RUVBL2: variants seen among roughly 807,000 people sequenced by gnomAD.
RUVBL2 encodes RuvB like AAA ATPase 2, also known as ruvB-like 2.
In RUVBL2, 9 loss-of-function variants were observed where a neutral mutation model predicts 57.9. The observed-to-expected ratio is 0.16, with a 90% confidence interval of 0.09 to 0.27. The LOEUF (loss-of-function observed/expected upper bound fraction) is 0.27, where lower values mean the gene tolerates loss of function less well. Among genes scored for constraint, RUVBL2 ranks in the 10% least tolerant of loss-of-function variants. The pLI is 1.00. For missense variants in RUVBL2, 456 were observed against 669.6 expected, an observed-to-expected ratio of 0.68 and a Z score of 3.52; for synonymous variants, 278 against 264.6, an observed-to-expected ratio of 1.05 and a Z score of -0.49.
At chr19:49,006,946 G>C in intron 4 of RUVBL2, 72 bp from the exon 5 acceptor site, 1 of 1,578,198 alleles carries the variant, frequency 6.3e-7, no homozygotes, top group Non-Finnish European at 8.6e-7. Context: ...AGAAAAGCTA[G>C]TTTGCCACAG....
intron 12 of RUVBL2, 130 bp downstream of exon 12, chr19:49,014,733 C>T: frequency 1.5e-6 from 2 of 1,299,546 alleles, no homozygotes. Flanking sequence ...TGAGCGGGCA[C>T]CCAGACGGTG....
chr19:49,004,064 C>T (rs1163423747), intron 3 of RUVBL2: 1 of 595,848 alleles, frequency 1.7e-6, no homozygotes. Flanking sequence ...TACAGTGAGC[C>T]ATGATTGTAC....
At position 49,010,586 on chromosome 19, in the gene RUVBL2, C is replaced by G. The variant is rs1297379594; in HGVS notation, c.762C>G (p.Thr254=). Residue 254 remains threonine (T), a synonymous_variant, in exon 9 of 15, where the codon ACC becomes ACG. Transcript: ENST00000595090. The stretch of plus-strand genomic sequence containing the variant: ...AGATCGACGTCATCAACTCTCGCAC[C>G]CAGGGCTTCCTGGCGCTCTTCTCAG... ...LHEIDVINSR[T]QGFLALFSGD... The G allele has an allele frequency of 1.9e-6, 3 of 1,613,566 alleles. No individual in the cohort carries two copies. Among genetic ancestry groups the G allele is most frequent in the South Asian group, 1.1e-5 (1 of 91,086 alleles).
At chr19:49,006,774 T>A (rs772156360) in intron 4 of RUVBL2, among the ~76,000 whole-genome samples, 2 of 152,242 alleles carry the variant, frequency 1.3e-5, no homozygotes, top group African/African-American at 2.4e-5. Context: ...TGTGGGATTC[T>A]AAGCCAGGCC....
chr19:48,995,194 G>A (rs567660508), intron 1 of RUVBL2, among the ~76,000 whole-genome samples: 1 of 152,012 alleles, frequency 6.6e-6, no homozygotes, highest in East Asian at 1.9e-4. Flanking sequence ...AAATGACCTT[G>A]GTTTTCATGG....
At chr19:48,995,998 A>G (rs1033642061) in intron 1 of RUVBL2, among the ~76,000 whole-genome samples, 26 of 148,124 alleles carry the variant, frequency 1.8e-4, no homozygotes, top group Middle Eastern at 3.4e-3. Flanking sequence ...AAAAAAAAAA[A>G]AAAAGAAAAG....
At chr19:49,004,578 G>T (rs1454494439) in intron 4 of RUVBL2, among the ~76,000 whole-genome samples, 160 bp downstream of exon 4, 1 of 152,132 alleles carries the variant, frequency 6.6e-6, no homozygotes, top group Non-Finnish European at 1.5e-5. Flanking sequence ...CTAGAGGTAG[G>T]CCATTTGGGG....
At chr19:49,007,398 A>G in intron 6 of RUVBL2, 30 bp downstream of exon 6, 1 of 1,601,232 alleles carries the variant, frequency 6.2e-7, no homozygotes, top group Non-Finnish European at 8.5e-7. Context: ...TACCCTGCTG[A>G]GGCCACCTCC....
chr19:49,006,966 C>T (rs201130526), intron 4 of RUVBL2, 52 bp from the exon 5 acceptor site: 15 of 1,598,016 alleles, frequency 9.4e-6, no homozygotes, highest in South Asian at 3.3e-5. Flanking sequence ...GAGCAGGTGT[C>T]GGGGACCTGG....
At position 49,010,467 on chromosome 19, in the gene RUVBL2, TCC is replaced by T; in HGVS notation, c.664-17_664-16del. On this transcript the variant is annotated intron_variant, in intron 8 of 14. Transcript: ENST00000595090. ...TTCCCTGCCCTGTCTCCGCCGTTCT[TCC>T]CCCACCCCCGCCCCATAGACCAAGT... The T allele has an allele frequency of 1.4e-6, 2 of 1,401,204 alleles. No individual in the cohort carries two copies. Among genetic ancestry groups the T allele is most frequent in the Non-Finnish European group, 9.9e-7 (1 of 1,006,936 alleles). The allele number at this position is 1,401,204 out of a possible 1,614,324, so 86.8% of individuals were successfully genotyped here. A position where few individuals can be genotyped will look rare whatever the true frequency, so the allele number is the denominator to read the frequency against.
chr19:48,998,838 G>A (rs2039118483), intron 1 of RUVBL2, among the ~76,000 whole-genome samples: 1 of 151,718 alleles, frequency 6.6e-6, no homozygotes, highest in Non-Finnish European at 1.5e-5. Context: ...GACCAGCCTG[G>A]CCAACATGGC....
At position 49,012,843 on chromosome 19, in the gene RUVBL2, C is replaced by CCACACACACACACACA. The variant is rs58302006; in HGVS notation, c.1001+1559_1001+1574dup. Among the ~76,000 whole-genome samples the CCACACACACACACACA allele has an allele frequency of 5.9e-3, 844 of 141,870 alleles. 4 individuals are homozygous for CCACACACACACACACA. The highest frequency in any genetic ancestry group is 0.013 in the African/African-American group (491 of 37,888). 93.1% of individuals were successfully genotyped at this position (141,870 alleles called of 152,430 possible). On this transcript the variant is annotated intron_variant, in intron 11 of 14. Transcript: ENST00000595090. Reference sequence around the variant, plus strand: ...TGGCACACTGCAGCCTCAGTGCCCACCACACACACACACACACACACACAC... The same window carrying CCACACACACACACACA: ...TGGCACACTGCAGCCTCAGTGCCCACCACACACACACACACACACACACACACACACACACACACAC...
intron 12 of RUVBL2, 70 bp downstream of exon 12, chr19:49,014,673 A>T: frequency 6.3e-7 from 1 of 1,576,216 alleles, no homozygotes; most frequent in Admixed American, 1.7e-5. Context: ...AAATGCTGAC[A>T]CTGAGGTCCA....
At chr19:48,998,934 A>G (rs556168438) in intron 1 of RUVBL2, among the ~76,000 whole-genome samples, 7 of 145,118 alleles carry the variant, frequency 4.8e-5, no homozygotes, top group Admixed American at 2.1e-4. Context: ...AGGCTGAGGC[A>G]GAGAATTTCT....
Position 49,015,688 on chromosome 19 carries a change from T to G in RUVBL2, c.1366+2T>G. ...ACGCCTTCCTCTTCAACGAACTCAG[T>G]AAGAATCCCCACCCCGCACCTGCAC... On this transcript the variant is annotated splice_donor_variant, in intron 14 of 14. Coordinates refer to ENST00000595090, the MANE Select transcript of RUVBL2 (RefSeq NM_006666.3). LOFTEE classifies it high-confidence loss of function. 1 of 1,613,108 alleles carries G rather than the reference T, an allele frequency of 6.2e-7. No individual in the cohort carries two copies. The highest frequency in any genetic ancestry group is 8.5e-7 in the Non-Finnish European group (1 of 1,179,244).
intron 2 of RUVBL2, among the ~76,000 whole-genome samples, chr19:49,002,079 C>T (rs970692250): frequency 4.0e-5 from 6 of 151,130 alleles, no homozygotes; most frequent in Admixed American, 1.3e-4. Flanking sequence ...GATGGAGTCT[C>T]ACTGTGTTGC....
chr19:49,010,327 C>G, intron 8 of RUVBL2, 161 bp from the exon 9 acceptor site: 1 of 767,068 alleles, frequency 1.3e-6, no homozygotes, highest in Non-Finnish European at 2.1e-6. Context: ...TGTCCCTAGT[C>G]CTGACTACCT....
In RUVBL2 at chr19:49,015,895, G is replaced by T; in HGVS notation, c.*53G>T. 6.2e-7 allele frequency: 1 copy of T among 1,613,938 alleles called. No homozygotes were observed. The highest frequency in any genetic ancestry group is 8.5e-7 in the Non-Finnish European group (1 of 1,179,796). On this transcript the variant is annotated 3_prime_UTR_variant, in exon 15 of 15. Transcript: ENST00000595090. ...TGTTTTCCACCAGAGTTCTGACACT[G>T]TGACTCTGTATAAAATGGTTGGGAA...
chr19:49,010,482 C>CCCCACACCCA lies in RUVBL2; in HGVS notation c.664-5_664-4insCCACACCCAC. The stretch of plus-strand genomic sequence containing the variant: ...CCGCCGTTCTTCCCCCACCCCCGCC[C>CCCCACACCCA]CATAGACCAAGTTCGTGCAGTGCCC... On this transcript the variant is annotated splice_polypyrimidine_tract_variant and splice_region_variant and intron_variant, in intron 8 of 14. Transcript: ENST00000595090. 6.2e-7 allele frequency: 1 copy of CCCCACACCCA among 1,605,458 alleles called. No individual in the cohort carries two copies. The highest frequency in any genetic ancestry group is 8.5e-7 in the Non-Finnish European group (1 of 1,173,098).
Sources: allele counts gnomAD v4.1 joint callset (sites outside exome capture counted in the v4.1 genomes callset), GRCh38; gene constraint gnomAD v4.1.1; transcripts MANE v1.5; gene names NCBI Gene and HGNC (gene_info 2026-07-23, HGNC 2026-07-21).